The following ODF2 variants were observed in gnomAD, a reference collection of about 807,000 sequenced individuals.
ODF2 encodes outer dense fiber protein 2.
In ODF2, 47 loss-of-function variants were observed where a neutral mutation model predicts 110.2. The observed-to-expected ratio is 0.43, with a 90% CI of 0.34 to 0.54. The LOEUF (loss-of-function observed/expected upper bound fraction) is 0.54, where lower values mean the gene tolerates loss of function less well. ODF2 is among the 20% of genes least tolerant of loss of function. The pLI, the probability that ODF2 is intolerant of heterozygous loss-of-function variation, is 0.03. For missense variants in ODF2, 812 were observed against 1,054.5 expected (o/e 0.77, Z 3.19); for synonymous variants, 352 against 397.7 (o/e 0.89, Z 1.37).
chr9:128,460,444 T>C, intron 3 of ODF2, 106 bp from the exon 3 acceptor site: 1 of 1,530,972 alleles, frequency 6.5e-7, no homozygotes. Flanking sequence ...GCTCGCTTGG[T>C]GGCTAGGCTT....
exon 19 of ODF2, chr9:128,498,478 C>A: frequency 6.2e-7 from 1 of 1,613,534 alleles, no homozygotes; most frequent in South Asian, 1.1e-5. Flanking sequence ...AGGGAGGAGG[C>A]AATCCACCAG....
chr9:128,463,250 C>T (rs555089932), intron 4 of ODF2, among the ~76,000 whole-genome samples: 1 of 152,206 alleles, frequency 6.6e-6, no homozygotes, highest in South Asian at 2.1e-4. Flanking sequence ...CACAGTGAGA[C>T]CCTGTCTCAA....
upstream of ODF2, chr9:128,455,393 T>A (rs1320483180): frequency 1.1e-5 from 5 of 463,318 alleles, no homozygotes; most frequent in Admixed American, 8.4e-5. Context: ...CTACTAAAAA[T>A]ACAAAAAAAA....
At chr9:128,464,000 A>T (rs971865481) in intron 4 of ODF2, among the ~76,000 whole-genome samples, 9 of 151,630 alleles carry the variant, frequency 5.9e-5, no homozygotes, top group Non-Finnish European at 1.2e-4. Flanking sequence ...ACGCACCACC[A>T]CACCTGGCTA....
intron 10 of ODF2, 96 bp downstream of exon 10, chr9:128,482,983 C>T (rs1037702946): frequency 1.1e-6 from 1 of 935,442 alleles, no homozygotes; most frequent in Non-Finnish European, 1.6e-6. Context: ...GCAACCTCTG[C>T]CTCCCGGATT....
At chr9:128,466,950 C>G (rs1437202082) in intron 4 of ODF2, among the ~76,000 whole-genome samples, 1 of 123,442 alleles carries the variant, frequency 8.1e-6, no homozygotes, top group Admixed American at 9.9e-5. Flanking sequence ...GCACTCCAGC[C>G]TGGGTGACAG....
chr9:128,486,721 G>A (rs976369993), intron 13 of ODF2, among the ~76,000 whole-genome samples: 12 of 152,190 alleles, frequency 7.9e-5, no homozygotes, highest in Non-Finnish European at 1.5e-4. Context: ...CTAAGTTGGC[G>A]TCTTTCTATT....
chr9:128,492,688 T>C lies in ODF2; in HGVS notation c.1648-13T>C. ...CTCTACCTAAGATGAACCACAGTGTTGTTGGTCCCTAGGTGATGAAGACCA... is the reference window on the plus strand; with the variant it reads ...CTCTACCTAAGATGAACCACAGTGTCGTTGGTCCCTAGGTGATGAAGACCA... On this transcript the variant is annotated splice_polypyrimidine_tract_variant and intron_variant, in intron 15 of 20. Transcript: ENST00000604420. 1 of 1,610,812 alleles carries C rather than the reference T, an allele frequency of 6.2e-7. No homozygotes were observed. The highest frequency in any genetic ancestry group is 8.5e-7 in the Non-Finnish European group (1 of 1,177,008).
intron 3 of ODF2, chr9:128,460,601 G>A (rs1836185764): frequency 6.2e-7 from 1 of 1,613,920 alleles, no homozygotes; most frequent in Non-Finnish European, 8.5e-7. Flanking sequence ...TGTTCACGTG[G>A]ATGAGAACAC....
At chr9:128,456,534 CCTTT>C (rs1834828863) in intron 1 of ODF2, 3 of 1,528,026 alleles carry the variant, frequency 2.0e-6, no homozygotes, top group Non-Finnish European at 2.6e-6. Flanking sequence ...CAGGGCTTCA[CCTTT>C]CTCTCTATGG....
intron 8 of ODF2, among the ~76,000 whole-genome samples, chr9:128,475,507 T>C (rs996020498): frequency 2.0e-5 from 3 of 152,240 alleles, no homozygotes; most frequent in Non-Finnish European, 4.4e-5. Flanking sequence ...TTTTCAAGTA[T>C]ACACATCAGT....
At chr9:128,472,070 G>A (rs1840132682) in intron 6 of ODF2, among the ~76,000 whole-genome samples, 1 of 152,164 alleles carries the variant, frequency 6.6e-6, no homozygotes. Flanking sequence ...CACAAGGTCA[G>A]GAGTTCGAGA....
intron 2 of ODF2, among the ~76,000 whole-genome samples, chr9:128,458,505 T>C (rs1386621631): frequency 1.3e-5 from 2 of 150,118 alleles, no homozygotes; most frequent in Admixed American, 1.3e-4. Context: ...ATCAGATGGT[T>C]ATTCCAAGGC....
At chr9:128,469,009 TA>T (rs761834803) in intron 4 of ODF2, 173 bp from the exon 5 acceptor site, 1 of 567,642 alleles carries the variant, frequency 1.8e-6, no homozygotes, top group Non-Finnish European at 3.1e-6. Flanking sequence ...AACCATCATT[TA>T]AACATGGATA....
At chr9:128,455,345 A>C, upstream of ODF2, 2 of 799,746 alleles carry the variant, frequency 2.5e-6, no homozygotes, top group Non-Finnish European at 2.0e-6. Flanking sequence ...AGGTCAGGAG[A>C]TGGAGACTAT....
rs972434225 is a variant in ODF2 at position 128,496,021 on chromosome 9, CT to C, written c.1912-19del. On this transcript the variant is annotated intron_variant, in intron 17 of 20. Coordinates refer to ENST00000604420, the Ensembl canonical transcript of ODF2. Reference sequence around the variant, plus strand: ...GCGGGAAATTCCTTTGTAAACCAGTCTGTGTTCCTGTCATTTTAGATCGAAC... The same window carrying C: ...GCGGGAAATTCCTTTGTAAACCAGTCGTGTTCCTGTCATTTTAGATCGAAC... The C allele has an allele frequency of 6.2e-7, 1 of 1,613,458 alleles. No individual in the cohort carries two copies. The highest frequency in any genetic ancestry group is 1.3e-5 in the African/African-American group (1 of 74,956).
At chr9:128,464,336 A>G (rs1837297066) in intron 4 of ODF2, among the ~76,000 whole-genome samples, 1 of 150,268 alleles carries the variant, frequency 6.7e-6, no homozygotes, top group South Asian at 2.1e-4. Context: ...TTGTATTTTT[A>G]ATAGAGACGG....
chr9:128,496,405 T>G, intron 18 of ODF2: 1 of 1,246,444 alleles, frequency 8.0e-7, no homozygotes, highest in Non-Finnish European at 1.1e-6. Context: ...CCAAAAGGCA[T>G]GCCTGGTCCA....
chr9:128,470,058 T>G (rs1362382405), intron 5 of ODF2, among the ~76,000 whole-genome samples: 1 of 64,120 alleles, frequency 1.6e-5, no homozygotes, highest in Non-Finnish European at 3.0e-5. Context: ...AATAAAAAAA[T>G]TAACAAAAAC....
Sources: gnomAD v4.1 joint callset for allele counts (sites outside exome capture counted in the v4.1 genomes callset) on GRCh38, gnomAD v4.1.1 for gene constraint, MANE v1.5 for transcripts, NCBI Gene and HGNC (gene_info 2026-07-23, HGNC 2026-07-21) for gene names.